Variants in SCARF1 observed in about 807,000 individuals in gnomAD.
SCARF1 encodes scavenger receptor class F member 1.
In SCARF1, 49 loss-of-function variants were observed where a neutral mutation model predicts 76.3. The observed-to-expected ratio is 0.64, with a 90% CI of 0.51 to 0.81. The LOEUF (loss-of-function observed/expected upper bound fraction) is 0.81, where lower values mean the gene tolerates loss of function less well. Among genes scored for constraint, SCARF1 ranks in the 40% least tolerant of loss-of-function variants. SCARF1 has a pLI of 0.00. For missense variants in SCARF1, 1,098 were observed against 1,143.9 expected (o/e 0.96, Z 0.58); for synonymous variants, 495 against 474.6 (o/e 1.04, Z -0.56).
chr17:1,635,054 G>C lies in SCARF1; in HGVS notation c.2197C>G (p.Arg733Gly). 1 of 1,613,852 alleles carries C rather than the reference G, an allele frequency of 6.2e-7. No individual in the cohort carries two copies. The highest frequency in any genetic ancestry group is 8.5e-7 in the Non-Finnish European group (1 of 1,179,860). The change falls in exon 11 of 11, where the codon CGC (arginine) becomes GGC (glycine). Residue 733 changes from arginine to glycine, a missense_variant. By Grantham distance (125) the Arg-to-Gly change is moderately radical (BLOSUM62 -2). Coordinates refer to ENST00000263071, the MANE Select transcript of SCARF1 (RefSeq NM_003693.4). ...CCCTTTTTCCGATTCAGGGCCTGGC[G>C]CGGAGGCTTAGGGATGGCCCTCTTG... The part of the protein sequence containing the change: ...KVKRAIPKPP[R>G]QALNRKKGSP...
Position 1,644,606 on chromosome 17 carries a change from G to T in SCARF1, c.265+228C>A. The T allele has an allele frequency of 1.7e-6, 1 of 595,100 alleles. No homozygotes were observed. The highest frequency in any genetic ancestry group is 3.0e-6 in the Non-Finnish European group (1 of 333,392). The allele number at this position is 595,100 out of a possible 1,614,324, so 36.9% of individuals were successfully genotyped here. ...TTTCTGAGAAGTGGAAGAGGAAGAT[G>T]CTCAGGTGGGCAGTGCTTTGTGGAT... On this transcript the variant is annotated intron_variant, in intron 3 of 10. Coordinates refer to ENST00000263071, the MANE Select transcript of SCARF1 (RefSeq NM_003693.4). This position sits in a 1 kb window ranked among gnomAD's most constrained non-coding sequence, Gnocchi z 4.8.
intron 10 of SCARF1, among the ~76,000 whole-genome samples, chr17:1,636,197 C>T (rs905670356): frequency 6.6e-6 from 1 of 152,184 alleles, no homozygotes; most frequent in African/African-American, 2.4e-5. Context: ...TTGTATGTCC[C>T]CCATGGAAAC....
At chr17:1,639,812 G>C in intron 6 of SCARF1, 70 bp from the exon 7 acceptor site, 2 of 1,607,148 alleles carry the variant, frequency 1.2e-6, no homozygotes, top group Non-Finnish European at 1.7e-6. Flanking sequence ...AGACGGGCAG[G>C]GAGATTTCTG....
rs190764105 is a variant in SCARF1, at chr17:1,640,361, G to A, written c.1010+87C>T. The A allele has an allele frequency of 1.5e-5, 19 of 1,238,880 alleles. No individual in the cohort carries two copies. Among genetic ancestry groups the A allele is most frequent in the African/African-American group, 7.5e-5 (5 of 66,908 alleles). The allele number at this position is 1,238,880 out of a possible 1,614,324, so 76.7% of individuals were successfully genotyped here. A position where few individuals can be genotyped will look rare whatever the true frequency, so the allele number is the denominator to read the frequency against. On this transcript the variant is annotated intron_variant, in intron 5 of 10. Transcript: ENST00000263071. This position sits in a 1 kb window ranked among gnomAD's most constrained non-coding sequence, Gnocchi z 4.7. Reference sequence around the variant, plus strand: ...CTGGGGCCGCATGAACCTGTGTGTCGGGGAGGGTGGTGCTCTCGGAGAGAG... The same window carrying A: ...CTGGGGCCGCATGAACCTGTGTGTCAGGGAGGGTGGTGCTCTCGGAGAGAG...
intron 10 of SCARF1, among the ~76,000 whole-genome samples, chr17:1,636,163 C>T (rs980684759): frequency 4.6e-5 from 7 of 152,222 alleles, no homozygotes; most frequent in African/African-American, 1.7e-4. Context: ...GTCACCCCAA[C>T]ATGGCTAGCA....
chr17:1,639,506 A>C (rs1348749019), intron 7 of SCARF1, 133 bp downstream of exon 7: 1 of 635,796 alleles, frequency 1.6e-6, no homozygotes, highest in African/African-American at 2.1e-5. Flanking sequence ...CCTCGTCTTA[A>C]GGGAAAAAAA....
At position 1,644,737 on chromosome 17, in the gene SCARF1, G is replaced by A. The variant is rs1598524232; in HGVS notation, c.265+97C>T. The A allele has an allele frequency of 8.5e-7, 1 of 1,179,692 alleles. No homozygotes were observed. The highest frequency in any genetic ancestry group is 2.5e-5 in the East Asian group (1 of 39,230). 73.1% of individuals were successfully genotyped at this position (1,179,692 alleles called of 1,614,324 possible). Reference sequence around the variant, plus strand: ...AGCTGGGGGGGATTCTGGCCCTGCTGTCCTGAGGCTGCATGGCTACCTGCC... The same window carrying A: ...AGCTGGGGGGGATTCTGGCCCTGCTATCCTGAGGCTGCATGGCTACCTGCC... On this transcript the variant is annotated intron_variant, in intron 3 of 10. Transcript: ENST00000263071. This position sits in a 1 kb window ranked among gnomAD's most constrained non-coding sequence, Gnocchi z 4.8.
chr17:1,636,793 A>G lies in SCARF1; in HGVS notation c.1549T>C (p.Trp517Arg). 1.2e-6 allele frequency: 2 copies of G among 1,614,006 alleles called. No individual in the cohort carries two copies. The highest frequency in any genetic ancestry group is 1.7e-6 in the Non-Finnish European group (2 of 1,179,982). The change falls in exon 10 of 11, where the codon TGG becomes CGG. Residue 517 changes from tryptophan (W) to arginine (R), a missense_variant. Physicochemically the swap from Trp to Arg is moderately radical, Grantham distance 101. Transcript: ENST00000263071. ...GATGAGAAGGAGTCATCAGTGGCCC[A>G]GCCGGCAGAGGGCGGCTCGATGAAG... ...HSFIEPPSAG[W>R]ATDDSFSSDP...
rs779684600 is a variant in SCARF1, at chr17:1,639,942, C to T, written c.1109G>A (p.Cys370Tyr). 1.9e-6 allele frequency: 3 copies of T among 1,613,936 alleles called. No homozygotes were observed. Among genetic ancestry groups the T allele is most frequent in the Admixed American group, 1.7e-5 (1 of 60,006 alleles). The change falls in exon 6 of 11, where the codon TGT becomes TAT. Residue 370 changes from cysteine to tyrosine, a missense_variant. Physicochemically the swap from Cys to Tyr is radical, Grantham distance 194. Transcript: ENST00000263071. ...QGSCDTVTGDCVCSAGYWGPS... is the reference protein window; with the variant it reads ...QGSCDTVTGDYVCSAGYWGPS... The stretch of plus-strand genomic sequence containing the variant: ...CCCCCAGTAGCCGGCACTGCAGACA[C>T]AGTCCCCTGTCACAGTATCACAGGA...
chr17:1,644,029 C>T lies in SCARF1; in HGVS notation c.266-62G>A. 6.6e-6 allele frequency: 8 copies of T among 1,213,350 alleles called. No individual in the cohort carries two copies. Among genetic ancestry groups the T allele is most frequent in the Non-Finnish European group, 7.3e-6 (7 of 960,282 alleles). The allele number at this position is 1,213,350 out of a possible 1,614,324, so 75.2% of individuals were successfully genotyped here. A position where few individuals can be genotyped will look rare whatever the true frequency, so the allele number is the denominator to read the frequency against. On this transcript the variant is annotated intron_variant, in intron 3 of 10. Transcript: ENST00000263071. This position sits in a 1 kb window ranked among gnomAD's most constrained non-coding sequence, Gnocchi z 4.8. ...GGGCCGCGCGCAGACCCTTACCCTG[C>T]GTCCCCTTCCTCAAGGAAAAGGGGC...
chr17:1,640,256 A>C lies in SCARF1; in HGVS notation c.1010+192T>G. 1 of 759,350 alleles carries C rather than the reference A, an allele frequency of 1.3e-6. No individual in the cohort carries two copies. Among genetic ancestry groups the C allele is most frequent in the East Asian group, 2.7e-5 (1 of 37,062 alleles). The allele number at this position is 759,350 out of a possible 1,614,324, so 47.0% of individuals were successfully genotyped here. ...GAGGGCGAGGAGGGCAGGAAGCCTC[A>C]GAGGGGAGGGAGCTGGGATCCTGCC... On this transcript the variant is annotated intron_variant, in intron 5 of 10. Transcript: ENST00000263071. The surrounding 1 kb of genome is among the most constrained non-coding windows in gnomAD (Gnocchi z 4.7).
chr17:1,636,796 C>G lies in SCARF1; in HGVS notation c.1546G>C (p.Gly516Arg). Residue 516 changes from glycine to arginine, a missense_variant, in exon 10 of 11, where the codon GGC (glycine) becomes CGC (arginine). By Grantham distance (125) the Gly-to-Arg change is moderately radical. Transcript: ENST00000263071. ...NHSFIEPPSA[G>R]WATDDSFSSD... ...GAGAAGGAGTCATCAGTGGCCCAGC[C>G]GGCAGAGGGCGGCTCGATGAAGCTG... The G allele has an allele frequency of 6.2e-7, 1 of 1,613,820 alleles. No homozygotes were observed.
chr17:1,643,717 G>C lies in SCARF1; in HGVS notation c.516C>G (p.Cys172Trp). The C allele has an allele frequency of 7.5e-7, 1 of 1,335,820 alleles. No homozygotes were observed. Among genetic ancestry groups the C allele is most frequent in the Non-Finnish European group, 9.5e-7 (1 of 1,050,400 alleles). 82.7% of individuals were successfully genotyped at this position (1,335,820 alleles called of 1,614,324 possible). ...PCQCNTAAAR[C>W]EQATGACVCK... ...ACACGCAGGCGCCCGTGGCCTGCTC[G>C]CAGCGCGCCGCCGCGGTGTTGCACT... The change falls in exon 4 of 11, where the codon TGC becomes TGG. Residue 172 changes from cysteine to tryptophan, a missense_variant. By Grantham distance (215) the Cys-to-Trp change is radical. Coordinates refer to ENST00000263071, the MANE Select transcript of SCARF1 (RefSeq NM_003693.4).
At chr17:1,635,812 G>A (rs1373990198) in intron 10 of SCARF1, among the ~76,000 whole-genome samples, 195 bp from the exon 11 acceptor site, 2 of 149,784 alleles carry the variant, frequency 1.3e-5, no homozygotes, top group East Asian at 3.9e-4. Context: ...TGTAGAGATG[G>A]GGTCTCACTA....
intron 7 of SCARF1, 108 bp downstream of exon 7, chr17:1,639,530 AT>A: frequency 1.4e-6 from 1 of 695,152 alleles, no homozygotes; most frequent in Non-Finnish European, 2.4e-6. Context: ...AAAAAAAAGA[AT>A]ATCTCTGAAG....
rs556394796 is a variant in SCARF1, at chr17:1,643,474, C to G, written c.759G>C (p.Pro253=). The change falls in exon 4 of 11, where the codon CCG becomes CCC. Residue 253 remains proline, a synonymous_variant. Coordinates refer to ENST00000263071, the MANE Select transcript of SCARF1 (RefSeq NM_003693.4). ...CGCACTGCACCCCGTGGCTGCCTGC[C>G]GGGCAGGGCAGCTCGCAGCGCGCTC... ...FRGARCELPC[P]AGSHGVQCAH... 49 of 1,302,270 alleles carry G rather than the reference C, an allele frequency of 3.8e-5. No homozygotes were observed. The East Asian group carries it at 1.5e-3, about 39-fold the overall frequency. The allele number at this position is 1,302,270 out of a possible 1,614,324, so 80.7% of individuals were successfully genotyped here. A position where few individuals can be genotyped will look rare whatever the true frequency, so the allele number is the denominator to read the frequency against.
intron 8 of SCARF1, 54 bp downstream of exon 8, chr17:1,638,752 C>T (rs74592592): frequency 1.4e-6 from 2 of 1,478,720 alleles, no homozygotes; most frequent in South Asian, 2.6e-5. Flanking sequence ...AGATGCCCCC[C>T]TGCTCCCACC....
rs149035622 is a variant in SCARF1 at position 1,635,340 on chromosome 17, G to A, written c.1911C>T (p.Gly637=). The A allele has an allele frequency of 6.2e-6, 10 of 1,613,002 alleles. No individual in the cohort carries two copies. In the African/African-American group the frequency reaches 1.3e-4, roughly 22 times the overall value. The change falls in exon 11 of 11, where the codon GGC becomes GGT. Residue 637 remains glycine, a synonymous_variant. Transcript: ENST00000263071. ...ACTCGGGGGCTTCTGCTTCCTCTGG[G>A]CCTGTGGACTCTTCGGCTTCCCGGC... ...PEGREAEEST[G]PEEAEAPESF... is the part of the protein sequence containing the mutation.
rs1033733216 is a variant in SCARF1, at chr17:1,643,475, G to A, written c.758C>T (p.Pro253Leu). Residue 253 changes from proline to leucine, a missense_variant, in exon 4 of 11, where the codon CCG becomes CTG. Physicochemically the swap from Pro to Leu is moderately conservative, Grantham distance 98. Transcript: ENST00000263071. ...FRGARCELPC[P>L]AGSHGVQCAH... ...GCACTGCACCCCGTGGCTGCCTGCC[G>A]GGCAGGGCAGCTCGCAGCGCGCTCC... is the stretch of plus-strand genomic sequence containing the variant. 7.6e-7 allele frequency: 1 copy of A among 1,312,312 alleles called. No homozygotes were observed. The highest frequency in any genetic ancestry group is 9.6e-7 in the Non-Finnish European group (1 of 1,037,556). The allele number at this position is 1,312,312 out of a possible 1,614,324, so 81.3% of individuals were successfully genotyped here. A position where few individuals can be genotyped will look rare whatever the true frequency, so the allele number is the denominator to read the frequency against.
Sources: gnomAD v4.1 joint callset for allele counts (sites outside exome capture counted in the v4.1 genomes callset) on GRCh38, gnomAD v4.1.1 for gene constraint, Gnocchi (gnomAD v3.1) non-coding constraint, MANE v1.5 for transcripts, NCBI Gene and HGNC (gene_info 2026-07-23, HGNC 2026-07-21) for gene names.